AP4E1: variants seen among roughly 807,000 people sequenced by gnomAD.
AP4E1 encodes adaptor related protein complex 4 subunit epsilon 1, also known as AP-4 complex subunit epsilon-1.
In AP4E1, 56 loss-of-function variants were observed where a neutral mutation model predicts 128.2. The ratio of observed to expected loss-of-function variants is 0.44; its 90% CI spans 0.35 to 0.55. The LOEUF (loss-of-function observed/expected upper bound fraction) is 0.55. AP4E1 is among the 20% of genes least tolerant of loss of function. AP4E1 has a pLI of 0.00. For synonymous variants in AP4E1, 484 were observed against 473.1 expected (o/e 1.02, Z -0.30); for missense variants, 1,324 against 1,307.7 (o/e 1.01, Z -0.19).
intron 16 of AP4E1, among the ~76,000 whole-genome samples, chr15:50,984,458 T>A (rs530179670): frequency 1.9e-4 from 19 of 102,256 alleles, no homozygotes; most frequent in Admixed American, 1.3e-3. Flanking sequence ...CCCTTCCCCC[T>A]CCCCCCACCC....
Position 50,908,727 on chromosome 15 carries a change from CCGGGCGGCTACGGGATCG to C in AP4E1, c.-43_-26del, listed in dbSNP as rs2063527164. 2.0e-5 allele frequency: 29 copies of C among 1,461,546 alleles called. No individual in the cohort carries two copies. In the South Asian group the frequency reaches 3.7e-4, roughly 19 times the overall value. 90.5% of individuals were successfully genotyped at this position (1,461,546 alleles called of 1,614,324 possible). The stretch of plus-strand genomic sequence containing the variant: ...CCGGCAGCGGCGGCCGGGCATGAAG[CCGGGCGGCTACGGGATCG>C]CGGGCGGCGGCGGCATCGCGGGCGG... On this transcript the variant is annotated 5_prime_UTR_variant, in exon 1 of 21. Coordinates refer to ENST00000261842, the MANE Select transcript of AP4E1 (RefSeq NM_007347.5).
At chr15:50,921,686 A>AT (rs1415437323) in intron 3 of AP4E1, among the ~76,000 whole-genome samples, 1 of 152,228 alleles carries the variant, frequency 6.6e-6, no homozygotes, top group Non-Finnish European at 1.5e-5. Context: ...CTTATAGAGC[A>AT]TAGGAACATA....
chr15:50,937,152 C>G (rs1303010664), intron 8 of AP4E1, among the ~76,000 whole-genome samples: 1 of 152,132 alleles, frequency 6.6e-6, no homozygotes, highest in Non-Finnish European at 1.5e-5. Flanking sequence ...TGCTAGCAAT[C>G]CTGATATAGG....
Position 51,002,821 on chromosome 15 carries a change from C to A in AP4E1, c.*159C>A. On this transcript the variant is annotated 3_prime_UTR_variant, in exon 21 of 21. Coordinates refer to ENST00000261842, the MANE Select transcript of AP4E1 (RefSeq NM_007347.5). ...TTGTGATTCCTGGTCAAGAAAGATCCCCAAAACTGTATCCCTAACCTTTAA... is the reference window on the plus strand; with the variant it reads ...TTGTGATTCCTGGTCAAGAAAGATCACCAAAACTGTATCCCTAACCTTTAA... 1 of 916,810 alleles carries A rather than the reference C, an allele frequency of 1.1e-6. No homozygotes were observed. Among genetic ancestry groups the A allele is most frequent in the Non-Finnish European group, 1.7e-6 (1 of 601,912 alleles). The allele number at this position is 916,810 out of a possible 1,614,324, so 56.8% of individuals were successfully genotyped here. A position where few individuals can be genotyped will look rare whatever the true frequency, so the allele number is the denominator to read the frequency against.
At chr15:50,955,234 C>A (rs2064202591) in intron 13 of AP4E1, among the ~76,000 whole-genome samples, 1 of 152,166 alleles carries the variant, frequency 6.6e-6, no homozygotes, top group African/African-American at 2.4e-5. Flanking sequence ...ATTTCTAGTT[C>A]TAGATCCTTG....
At chr15:50,923,787 G>A in intron 3 of AP4E1, 144 bp from the exon 4 acceptor site, 2 of 663,490 alleles carry the variant, frequency 3.0e-6, no homozygotes, top group Non-Finnish European at 5.4e-6. Flanking sequence ...CTTACTGAAG[G>A]TTTTTAACCT....
chr15:50,965,732 CA>C (rs1490310520), intron 14 of AP4E1, among the ~76,000 whole-genome samples: 1 of 151,814 alleles, frequency 6.6e-6, no homozygotes, highest in Non-Finnish European at 1.5e-5. Context: ...TTTGAGAATC[CA>C]AAAAAGTGGT....
Position 50,965,314 on chromosome 15 carries a change from A to G in AP4E1, c.1852-2949A>G, listed in dbSNP as rs576018040. 7.2e-5 allele frequency among the ~76,000 whole-genome samples: 11 copies of G among 152,218 alleles called. No homozygotes were observed. In the East Asian group the frequency reaches 1.7e-3, roughly 24 times the overall value. On this transcript the variant is annotated intron_variant, in intron 14 of 20. Coordinates refer to ENST00000261842, the MANE Select transcript of AP4E1 (RefSeq NM_007347.5). ...TGATCCTTGTGCACCACTGGTAGCA[A>G]TGGTTGGCTGGGCATAATGGTTGTC...
chr15:50,957,303 G>T (rs538045055), intron 13 of AP4E1, among the ~76,000 whole-genome samples: 3 of 152,142 alleles, frequency 2.0e-5, no homozygotes, highest in Non-Finnish European at 4.4e-5. Flanking sequence ...AAGTCCAGCC[G>T]TCTCTGGCTG....
Position 51,002,701 on chromosome 15 carries a change from G to T in AP4E1, c.*39G>T. 6.2e-7 allele frequency: 1 copy of T among 1,611,304 alleles called. No homozygotes were observed. Among genetic ancestry groups the T allele is most frequent in the Admixed American group, 1.7e-5 (1 of 59,912 alleles). On this transcript the variant is annotated 3_prime_UTR_variant, in exon 21 of 21. Coordinates refer to ENST00000261842, the MANE Select transcript of AP4E1 (RefSeq NM_007347.5). Reference sequence around the variant, plus strand: ...AAATTTTACTCCATCAAGATCAATGGTTTACATAGATAAACTTATTTACCA... The same window carrying T: ...AAATTTTACTCCATCAAGATCAATGTTTTACATAGATAAACTTATTTACCA...
At chr15:50,932,808 G>T (rs968452621) in intron 7 of AP4E1, among the ~76,000 whole-genome samples, 6 of 152,176 alleles carry the variant, frequency 3.9e-5, no homozygotes, top group Non-Finnish European at 5.9e-5. Flanking sequence ...ACTACTGATT[G>T]AAACCTGCAG....
Position 51,002,514 on chromosome 15 carries a change from T to A in AP4E1, c.3266T>A (p.Leu1089Gln). 5.0e-6 allele frequency: 8 copies of A among 1,614,224 alleles called. No homozygotes were observed. The highest frequency in any genetic ancestry group is 2.7e-5 in the African/African-American group (2 of 75,072). ...TGTTTTGTTTTAGGCAATGAAGGGCTATTGGCCTGTCAGCTGCTCCCATCC... is the reference window on the plus strand; with the variant it reads ...TGTTTTGTTTTAGGCAATGAAGGGCAATTGGCCTGTCAGCTGCTCCCATCC... The part of the protein sequence containing the change: ...HIIEIIGNEG[L>Q]LACQLLPSIP... The change falls in exon 21 of 21, where the codon CTA becomes CAA. Residue 1089 changes from leucine to glutamine, a missense_variant. Coordinates refer to ENST00000261842, the MANE Select transcript of AP4E1 (RefSeq NM_007347.5).
At chr15:50,908,575 C>A (rs1718747972), upstream of AP4E1, 1 of 596,070 alleles carries the variant, frequency 1.7e-6, no homozygotes, top group Non-Finnish European at 2.6e-6. Context: ...AGCGAGCGGC[C>A]TTTTCCACCC....
At chr15:50,996,056 T>C (rs982933499) in intron 17 of AP4E1, among the ~76,000 whole-genome samples, 1 of 140,248 alleles carries the variant, frequency 7.1e-6, no homozygotes, top group African/African-American at 2.6e-5. Flanking sequence ...TGTCACGATC[T>C]CAGCTTACTG....
chr15:50,989,743 G>A (rs572598072), intron 16 of AP4E1, among the ~76,000 whole-genome samples: 32 of 152,194 alleles, frequency 2.1e-4, no homozygotes, highest in African/African-American at 7.0e-4. Flanking sequence ...TAGGATCTGG[G>A]GGGTGTGACA....
Position 50,997,397 on chromosome 15 carries a change from A to G in AP4E1, c.2418A>G (p.Glu806=). 3.1e-6 allele frequency: 5 copies of G among 1,606,854 alleles called. No individual in the cohort carries two copies. Among genetic ancestry groups the G allele is most frequent in the Non-Finnish European group, 4.2e-6 (5 of 1,177,798 alleles). Residue 806 remains glutamate, a synonymous_variant, in exon 18 of 21, where the codon GAA becomes GAG. Coordinates refer to ENST00000261842, the MANE Select transcript of AP4E1 (RefSeq NM_007347.5). Reference sequence around the variant, plus strand: ...AAGTCAAAGAAGCTAAAAGTGGCGAAACAACCAGTACTCATAATATGACCT... The same window carrying G: ...AAGTCAAAGAAGCTAAAAGTGGCGAGACAACCAGTACTCATAATATGACCT... ...KSKVKEAKSG[E]TTSTHNMTCS...
chr15:50,922,782 CT>C (rs397936196), intron 3 of AP4E1, among the ~76,000 whole-genome samples: 164 of 144,270 alleles, frequency 1.1e-3, no homozygotes, highest in Admixed American at 1.6e-3. Context: ...TTTTGGGTCT[CT>C]TTTTTTTTTT....
chr15:50,964,086 A>G lies in AP4E1; in HGVS notation c.1852-4177A>G, dbSNP rs189913225. On this transcript the variant is annotated intron_variant, in intron 14 of 20. Coordinates refer to ENST00000261842, the MANE Select transcript of AP4E1 (RefSeq NM_007347.5). ...GGAAGTTTTTAGCTATTATTTTTCAATTAGGTTTTCTGTGCCTTCACCCAT... is the reference window on the plus strand; with the variant it reads ...GGAAGTTTTTAGCTATTATTTTTCAGTTAGGTTTTCTGTGCCTTCACCCAT... 3.0e-4 allele frequency among the ~76,000 whole-genome samples: 45 copies of G among 152,318 alleles called. No homozygotes were observed. In the East Asian group the frequency reaches 7.5e-3, roughly 25 times the overall value.
chr15:50,996,052 G>A (rs1201462261), intron 17 of AP4E1, among the ~76,000 whole-genome samples: 7 of 132,914 alleles, frequency 5.3e-5, no homozygotes, highest in Admixed American at 2.6e-4. Context: ...GCAGTGTCAC[G>A]ATCTCAGCTT....
Sources: gnomAD v4.1 joint callset for allele counts (sites outside exome capture counted in the v4.1 genomes callset) on GRCh38, gnomAD v4.1.1 for gene constraint, MANE v1.5 for transcripts, NCBI Gene and HGNC (gene_info 2026-07-23, HGNC 2026-07-21) for gene names.